Variants in CERKL observed in about 807,000 individuals in gnomAD.
The protein encoded by CERKL is ceramide kinase-like protein.
CERKL carries 61 observed loss-of-function variants against 63.4 expected under a neutral mutation model. The ratio of observed to expected loss-of-function variants is 0.96; its 90% CI spans 0.78 to 1.19. CERKL has a LOEUF of 1.19. CERKL is among the 50% of genes most tolerant of loss of function. The pLI is 0.00. For synonymous variants in CERKL, 250 were observed against 230.5 expected, an observed-to-expected ratio of 1.08 and a Z score of -0.77; for missense variants, 675 against 655.5, an observed-to-expected ratio of 1.03 and a Z score of -0.33.
intron 4 of CERKL, among the ~76,000 whole-genome samples, chr2:181,563,016 C>T (rs756313490): frequency 5.9e-5 from 9 of 151,836 alleles, no homozygotes; most frequent in Non-Finnish European, 8.8e-5. Context: ...ATATTAATAG[C>T]GAGGAATTCA....
intron 2 of CERKL, among the ~76,000 whole-genome samples, chr2:181,592,487 G>A (rs1282202391): frequency 2.6e-5 from 4 of 152,100 alleles, no homozygotes; most frequent in African/African-American, 4.8e-5. Flanking sequence ...CACTTTTTGA[G>A]TATTTATATA....
At chr2:181,543,997 A>G (rs1325177178) in intron 11 of CERKL, among the ~76,000 whole-genome samples, 3 of 151,214 alleles carry the variant, frequency 2.0e-5, no homozygotes, top group Non-Finnish European at 4.4e-5. Context: ...AAAAAAAAAA[A>G]AAAGAAAGAA....
At chr2:181,578,463 C>T (rs1684353751) in intron 2 of CERKL, among the ~76,000 whole-genome samples, 1 of 151,992 alleles carries the variant, frequency 6.6e-6, no homozygotes, top group African/African-American at 2.4e-5. Flanking sequence ...CCAGACCCAG[C>T]TAATTTTTAT....
In CERKL at chr2:181,548,664, T is replaced by C. The variant is rs760238967; in HGVS notation, c.1073+16A>G. 2 of 1,613,726 alleles carry C rather than the reference T, an allele frequency of 1.2e-6. No individual in the cohort carries two copies. The highest frequency in any genetic ancestry group is 3.3e-5 in the Admixed American group (2 of 59,946). The stretch of plus-strand genomic sequence containing the variant: ...TGAACCTGGGATACAATTTTTGGTT[T>C]AAGAAAAAGACTTACTTAAGTTTTG... On this transcript the variant is annotated intron_variant, in intron 7 of 12. Coordinates refer to ENST00000410087, the MANE Select transcript of CERKL (RefSeq NM_201548.5).
chr2:181,572,885 G>C (rs1052372830), intron 3 of CERKL, among the ~76,000 whole-genome samples: 1 of 150,208 alleles, frequency 6.7e-6, no homozygotes, highest in Non-Finnish European at 1.5e-5. Flanking sequence ...TTTGTTTACA[G>C]CTGAGTAAAG....
intron 3 of CERKL, among the ~76,000 whole-genome samples, chr2:181,571,350 A>G (rs572997033): frequency 6.6e-6 from 1 of 152,278 alleles, no homozygotes; most frequent in South Asian, 2.1e-4. Flanking sequence ...ATGTTTAAAT[A>G]TGGTACTTAG....
intron 2 of CERKL, among the ~76,000 whole-genome samples, chr2:181,593,882 A>G (rs1248555104): frequency 6.6e-6 from 1 of 152,068 alleles, no homozygotes; most frequent in Non-Finnish European, 1.5e-5. Context: ...AAAAAAAAAA[A>G]AAGAATGTAT....
intron 1 of CERKL, among the ~76,000 whole-genome samples, chr2:181,637,208 A>G (rs1217648292): frequency 6.6e-6 from 1 of 152,202 alleles, no homozygotes; most frequent in Non-Finnish European, 1.5e-5. Flanking sequence ...AAATTGCACA[A>G]CCCTTTTGAA....
intron 3 of CERKL, among the ~76,000 whole-genome samples, chr2:181,571,351 T>C (rs976789055): frequency 6.6e-6 from 1 of 152,144 alleles, no homozygotes; most frequent in African/African-American, 2.4e-5. Context: ...TGTTTAAATA[T>C]GGTACTTAGT....
chr2:181,613,894 G>T (rs1313201829), intron 1 of CERKL, among the ~76,000 whole-genome samples: 1 of 152,126 alleles, frequency 6.6e-6, no homozygotes. Context: ...TAACATATAT[G>T]AACATGTATA....
intron 3 of CERKL, among the ~76,000 whole-genome samples, chr2:181,567,546 A>G (rs542530026): frequency 4.8e-4 from 68 of 141,674 alleles, no homozygotes; most frequent in South Asian, 1.1e-3. Flanking sequence ...AACCTGCCTG[A>G]AAATAGCAAT....
At chr2:181,548,921 T>A in intron 6 of CERKL, 64 bp from the exon 7 acceptor site, 2 of 1,421,116 alleles carry the variant, frequency 1.4e-6, no homozygotes, top group South Asian at 2.3e-5. Context: ...ACAGCAAACA[T>A]AAGAGAGCAT....
chr2:181,631,389 G>C (rs1686948640), intron 1 of CERKL, among the ~76,000 whole-genome samples: 1 of 152,094 alleles, frequency 6.6e-6, no homozygotes, highest in African/African-American at 2.4e-5. Context: ...GTCAAGATTA[G>C]CCCAGGGCTA....
rs781416914 is a variant in CERKL, at chr2:181,538,240, G to A, written c.1543C>T (p.His515Tyr). 3.8e-5 allele frequency: 59 copies of A among 1,573,206 alleles called. No individual in the cohort carries two copies. The highest frequency in any genetic ancestry group is 6.7e-5 in the Admixed American group (4 of 59,710). The part of the protein sequence containing the change: ...EVASEVHIRL[H>Y]PRLISLYGGS... Reference sequence around the variant, plus strand: ...CCATAAAGACTGATAAGTCTTGGATGCAATCTGTAAAGAAAATACATTATT... The same window carrying A: ...CCATAAAGACTGATAAGTCTTGGATACAATCTGTAAAGAAAATACATTATT... The change falls in exon 13 of 13, where the codon CAT becomes TAT. Residue 515 changes from histidine to tyrosine, a missense_variant. Physicochemically the swap from His to Tyr is moderately conservative, Grantham distance 83 (BLOSUM62 2). Transcript: ENST00000410087.
chr2:181,585,020 T>C (rs759979243), intron 2 of CERKL, among the ~76,000 whole-genome samples: 1 of 151,670 alleles, frequency 6.6e-6, no homozygotes, highest in Non-Finnish European at 1.5e-5. Flanking sequence ...TATATCGATA[T>C]GGCTCTCTTT....
At chr2:181,656,250 A>C (rs1309119049) in intron 1 of CERKL, among the ~76,000 whole-genome samples, 1 of 152,226 alleles carries the variant, frequency 6.6e-6, no homozygotes, top group Non-Finnish European at 1.5e-5. Flanking sequence ...GCAGAAAAAA[A>C]CCCAGAAACA....
Position 181,603,971 on chromosome 2 carries a change from G to A in CERKL, c.347C>T (p.Thr116Ile), listed in dbSNP as rs769387813. Reference protein sequence around the residue: ...RCSVKQQRSGTLLGITLFICL... With the variant: ...RCSVKQQRSGILLGITLFICL... ...GATGAAGAGTGTGATACCTAATAAA[G>A]TACCACTTCTCTGCTGTTTAACAGA... The change falls in exon 2 of 13, where the codon ACT (threonine) becomes ATT (isoleucine). Residue 116 changes from threonine to isoleucine, a missense_variant. Thr to Ile is a moderately conservative substitution (Grantham distance 89). Coordinates refer to ENST00000410087, the MANE Select transcript of CERKL (RefSeq NM_201548.5). 25 of 1,613,150 alleles carry A rather than the reference G, an allele frequency of 1.5e-5. No homozygotes were observed. Among genetic ancestry groups the A allele is most frequent in the Middle Eastern group, 3.3e-4 (2 of 6,048 alleles).
intron 1 of CERKL, among the ~76,000 whole-genome samples, chr2:181,618,125 GAA>G (rs1686282421): frequency 6.6e-6 from 1 of 152,180 alleles, no homozygotes; most frequent in African/African-American, 2.4e-5. Flanking sequence ...AAGAGAGTGA[GAA>G]GGGGGTGGGT....
At chr2:181,564,563 C>T (rs1291208849) in intron 4 of CERKL, among the ~76,000 whole-genome samples, 2 of 152,128 alleles carry the variant, frequency 1.3e-5, no homozygotes, top group Non-Finnish European at 2.9e-5. Flanking sequence ...CTTCAGCAAT[C>T]GTCTTTCTTC....
Sources: gnomAD v4.1 joint callset for allele counts (sites outside exome capture counted in the v4.1 genomes callset) on GRCh38, gnomAD v4.1.1 for gene constraint, MANE v1.5 for transcripts, NCBI Gene and HGNC (gene_info 2026-07-23, HGNC 2026-07-21) for gene names.